Variants in KCNN1 observed in about 807,000 individuals in gnomAD.
KCNN1 encodes potassium calcium-activated channel subfamily N member 1.
KCNN1 carries 20 observed loss-of-function variants against 44.7 expected under a neutral mutation model. That is an observed-to-expected ratio of 0.45 (90% CI 0.32 to 0.65). KCNN1 has a LOEUF of 0.65. Ranked by LOEUF, KCNN1 falls within the 30% of genes least tolerant of loss-of-function variation. The pLI is 0.05. For synonymous variants in KCNN1, 324 were observed against 341.7 expected (o/e 0.95, Z 0.57); for missense variants, 632 against 785.3 (o/e 0.80, Z 2.33).
In KCNN1 at chr19:17,991,415, C is replaced by T. The variant is rs1432502677; in HGVS notation, c.1298+1572C>T. ...GCAGCGAGCTGTGATTGCGCCACTGCACTCCAGCCTGGGCCACAGAGCAAG... is the reference window on the plus strand; with the variant it reads ...GCAGCGAGCTGTGATTGCGCCACTGTACTCCAGCCTGGGCCACAGAGCAAG... On this transcript the variant is annotated intron_variant, in intron 7 of 9. Coordinates refer to ENST00000684775, the MANE Select transcript of KCNN1 (RefSeq NM_001386974.1). Among the ~76,000 whole-genome samples the T allele has an allele frequency of 2.0e-5, 3 of 152,292 alleles. No individual in the cohort carries two copies. The East Asian group carries it at 5.8e-4, about 29-fold the overall frequency.
chr19:17,953,131 T>C (rs1169197700), intron 1 of KCNN1, among the ~76,000 whole-genome samples: 1 of 152,140 alleles, frequency 6.6e-6, no homozygotes, highest in Non-Finnish European at 1.5e-5. Context: ...CCTCGCTCTC[T>C]TCCGGGGCTC....
At chr19:17,952,736 G>C (rs907024445) in intron 1 of KCNN1, among the ~76,000 whole-genome samples, 1 of 152,152 alleles carries the variant, frequency 6.6e-6, no homozygotes, top group African/African-American at 2.4e-5. Context: ...TTGTGGCGGG[G>C]ATTCCCTGTG....
intron 6 of KCNN1, 48 bp downstream of exon 6, chr19:17,988,573 A>G: frequency 7.3e-7 from 1 of 1,371,532 alleles, no homozygotes; most frequent in Non-Finnish European, 1.0e-6. Flanking sequence ...CTTGTCAGCG[A>G]GCGTAGAACT....
At chr19:17,985,600 C>T in intron 5 of KCNN1, 147 bp downstream of exon 5, 5 of 677,826 alleles carry the variant, frequency 7.4e-6, no homozygotes, top group Middle Eastern at 7.6e-4. Flanking sequence ...GTCCACCCCT[C>T]CCCTGCTCTG....
At chr19:17,995,070 T>G (rs1238111136) in intron 9 of KCNN1, among the ~76,000 whole-genome samples, 1 of 152,248 alleles carries the variant, frequency 6.6e-6, no homozygotes, top group Non-Finnish European at 1.5e-5. Flanking sequence ...CTATTTTATT[T>G]CTTGTCCCCA....
intron 6 of KCNN1, 70 bp from the exon 7 acceptor site, chr19:17,989,646 T>G: frequency 6.2e-7 from 1 of 1,605,936 alleles, no homozygotes; most frequent in South Asian, 1.1e-5. Flanking sequence ...TTCTGGAAGA[T>G]TCTAGACATT....
At chr19:17,975,030 TG>T in intron 2 of KCNN1, 61 bp from the exon 3 acceptor site, 1 of 1,352,288 alleles carries the variant, frequency 7.4e-7, no homozygotes, top group Non-Finnish European at 1.1e-6. Flanking sequence ...GGTAAGGGGA[TG>T]GGAGGGCCGC....
chr19:17,995,631 G>A (rs1421604608), intron 9 of KCNN1, among the ~76,000 whole-genome samples: 2 of 152,090 alleles, frequency 1.3e-5, no homozygotes, highest in Non-Finnish European at 2.9e-5. Context: ...TGTTGCCCAG[G>A]CTGGAGTGCA....
chr19:17,993,780 G>A lies in KCNN1; in HGVS notation c.1377+221G>A, dbSNP rs991769868. Among the ~76,000 whole-genome samples the A allele has an allele frequency of 1.3e-5, 2 of 152,054 alleles. No homozygotes were observed. Among genetic ancestry groups the A allele is most frequent in the Non-Finnish European group, 2.9e-5 (2 of 68,006 alleles). On this transcript the variant is annotated intron_variant, in intron 9 of 9. Transcript: ENST00000684775. This position sits in a 1 kb window ranked among gnomAD's most constrained non-coding sequence, Gnocchi z 4.5. ...ACAACAATTAGCCAGGCGTGGTGGC[G>A]GGCGCCTTTAATCCCAGCTACTTGG...
intron 2 of KCNN1, 46 bp from the exon 3 acceptor site, chr19:17,975,046 C>T: frequency 6.5e-7 from 1 of 1,529,612 alleles, no homozygotes; most frequent in Non-Finnish European, 9.1e-7. Flanking sequence ...GGCCGCCGGC[C>T]CACCGCCTCC....
intron 1 of KCNN1, among the ~76,000 whole-genome samples, chr19:17,968,925 G>T (rs538965292): frequency 6.6e-6 from 1 of 152,184 alleles, no homozygotes; most frequent in Non-Finnish European, 1.5e-5. Context: ...CTCCTGGGCT[G>T]AAGTGATCTC....
chr19:17,973,655 G>C (rs927130132), intron 1 of KCNN1, among the ~76,000 whole-genome samples, 153 bp from the exon 2 acceptor site: 5 of 152,148 alleles, frequency 3.3e-5, no homozygotes, highest in Non-Finnish European at 7.4e-5. Context: ...AGGGATTCAG[G>C]CTGACTCAGA....
chr19:17,981,505 T>C (rs1392442675), intron 3 of KCNN1, among the ~76,000 whole-genome samples: 1 of 147,096 alleles, frequency 6.8e-6, no homozygotes, highest in African/African-American at 2.5e-5. Flanking sequence ...TGAGCAGAGA[T>C]CGTGCCACTG....
chr19:17,988,345 G>A, intron 5 of KCNN1, 70 bp from the exon 6 acceptor site: 1 of 1,290,780 alleles, frequency 7.7e-7, no homozygotes, highest in Non-Finnish European at 1.1e-6. Flanking sequence ...CTGCAATCTG[G>A]GCAGGCTTCC....
In KCNN1 at chr19:17,998,541, C is replaced by A; in HGVS notation, c.*135C>A. On this transcript the variant is annotated 3_prime_UTR_variant, in exon 10 of 10. Coordinates refer to ENST00000684775, the MANE Select transcript of KCNN1 (RefSeq NM_001386974.1). The surrounding 1 kb of genome is among the most constrained non-coding windows in gnomAD (Gnocchi z 5.4). ...AGGCTGAGTGGACTGAGGCCTGCCC[C>A]GCCCAGACTGCCCAGGCAGAGGGCA... is the stretch of plus-strand genomic sequence containing the variant. 1 of 937,932 alleles carries A rather than the reference C, an allele frequency of 1.1e-6. No individual in the cohort carries two copies. The highest frequency in any genetic ancestry group is 3.2e-5 in the Admixed American group (1 of 30,908). The allele number at this position is 937,932 out of a possible 1,614,324, so 58.1% of individuals were successfully genotyped here.
chr19:17,962,790 C>T (rs1003338043), upstream of KCNN1, among the ~76,000 whole-genome samples: 18 of 151,938 alleles, frequency 1.2e-4, no homozygotes, highest in African/African-American at 4.3e-4. Flanking sequence ...TCACTGCAAC[C>T]TCTGCCTTCT....
At chr19:17,986,103 C>T (rs1235775133) in intron 5 of KCNN1, among the ~76,000 whole-genome samples, 4 of 151,942 alleles carry the variant, frequency 2.6e-5, no homozygotes, top group African/African-American at 7.3e-5. Flanking sequence ...TGGTGGCTCA[C>T]ACCTGTAATC....
chr19:17,970,632 G>T (rs1383301608), intron 1 of KCNN1, among the ~76,000 whole-genome samples: 3 of 151,642 alleles, frequency 2.0e-5, no homozygotes, highest in African/African-American at 7.3e-5. Context: ...TGCCATGTTG[G>T]CCAAGCTGGT....
rs757568700 is a variant in KCNN1 at position 17,993,013 on chromosome 19, T to C, written c.1299-41T>C. The C allele has an allele frequency of 1.9e-6, 3 of 1,612,380 alleles. No individual in the cohort carries two copies. Among genetic ancestry groups the C allele is most frequent in the East Asian group, 4.5e-5 (2 of 44,836 alleles). ...CCGAACAACTGTGCTGAGGTTAAAA[T>C]TGCCTTGTGATTTTTCTCCTGCTCT... On this transcript the variant is annotated intron_variant, in intron 7 of 9. Coordinates refer to ENST00000684775, the MANE Select transcript of KCNN1 (RefSeq NM_001386974.1). This position sits in a 1 kb window ranked among gnomAD's most constrained non-coding sequence, Gnocchi z 4.5.
Sources: allele counts gnomAD v4.1 joint callset (sites outside exome capture counted in the v4.1 genomes callset), GRCh38; gene constraint gnomAD v4.1.1; non-coding constraint Gnocchi (gnomAD v3.1); transcripts MANE v1.5; gene names NCBI Gene and HGNC (gene_info 2026-07-23, HGNC 2026-07-21).